The following LIMCH1 variants were observed in gnomAD, a reference collection of about 807,000 sequenced individuals.
LIMCH1 encodes LIM and calponin homology domains-containing protein 1.
A neutral mutation model predicts 176.5 loss-of-function variants in LIMCH1; 113 were observed. The ratio of observed to expected loss-of-function variants is 0.64; its 90% confidence interval spans 0.55 to 0.75. The LOEUF (loss-of-function observed/expected upper bound fraction) is 0.75, where lower values mean the gene tolerates loss of function less well. LIMCH1 is among the 30% of genes least tolerant of loss of function. The pLI, the probability that LIMCH1 is intolerant of heterozygous loss-of-function variation, is 0.00. For synonymous variants in LIMCH1, 619 were observed against 645.9 expected (o/e 0.96, Z 0.63); for missense variants, 1,674 against 1,814.9 (o/e 0.92, Z 1.41).
chr4:41,471,880 G>A (rs80266893), intron 1 of LIMCH1, among the ~76,000 whole-genome samples: 2,009 of 152,162 alleles, frequency 0.013, 41 homozygotes, highest in African/African-American at 0.045. Context: ...AGCTCAGCAC[G>A]CCTTTTTGGA....
chr4:41,484,884 A>G (rs2069241392), intron 1 of LIMCH1, among the ~76,000 whole-genome samples: 1 of 152,198 alleles, frequency 6.6e-6, no homozygotes, highest in African/African-American at 2.4e-5. Flanking sequence ...TTTGTCTACC[A>G]GATTGCTTTC....
intron 4 of LIMCH1, among the ~76,000 whole-genome samples, chr4:41,608,831 G>A (rs1166544702): frequency 1.3e-5 from 2 of 152,108 alleles, no homozygotes; most frequent in African/African-American, 2.4e-5. Context: ...GGGGACGAGG[G>A]TGGCCCTGGA....
intron 1 of LIMCH1, among the ~76,000 whole-genome samples, chr4:41,457,579 G>A (rs1213056332): frequency 1.3e-5 from 2 of 152,126 alleles, no homozygotes; most frequent in Non-Finnish European, 2.9e-5. Context: ...GTGGCCCAGG[G>A]AGGCTAAGTA....
chr4:41,609,625 G>T (rs551747828), intron 4 of LIMCH1: 1 of 455,850 alleles, frequency 2.2e-6, no homozygotes, highest in South Asian at 1.5e-5. Context: ...GCTGGTTCTT[G>T]TTATGTCTGA....
At chr4:41,635,238 T>TA (rs1278119466) in intron 13 of LIMCH1, among the ~76,000 whole-genome samples, 16 of 147,480 alleles carry the variant, frequency 1.1e-4, no homozygotes, top group Non-Finnish European at 2.1e-4. Flanking sequence ...CTCTGTCACT[T>TA]TTTTTTTTTT....
intron 1 of LIMCH1, among the ~76,000 whole-genome samples, chr4:41,581,461 C>T (rs1017129408): frequency 1.3e-5 from 2 of 152,106 alleles, no homozygotes; most frequent in African/African-American, 4.8e-5. Flanking sequence ...TCCCACAGCC[C>T]CTGGCAACCC....
intron 1 of LIMCH1, among the ~76,000 whole-genome samples, chr4:41,569,410 A>G (rs982199987): frequency 6.6e-6 from 1 of 152,174 alleles, no homozygotes. Context: ...AGTTGGAGGA[A>G]GAGGCTTGGC....
At chr4:41,614,558 G>A (rs2091851912) in intron 5 of LIMCH1, among the ~76,000 whole-genome samples, 1 of 152,074 alleles carries the variant, frequency 6.6e-6, no homozygotes, top group Admixed American at 6.6e-5. Flanking sequence ...TCTGAGATCC[G>A]AATTATCTTT....
At position 41,682,413 on chromosome 4, in the gene LIMCH1, C is replaced by T. The variant is rs375931059; in HGVS notation, c.3798C>T (p.Asp1266=). 6.2e-7 allele frequency: 1 copy of T among 1,613,114 alleles called. No homozygotes were observed. The highest frequency in any genetic ancestry group is 1.3e-5 in the African/African-American group (1 of 74,856). The part of the protein sequence containing the change: ...WKKSFQGDDS[D]LLLKTRESDR... ...AATCATTCCAGGGAGATGACAGTGA[C>T]TTATTGCTGAAGACTAGGGAAAGTG... The change falls in exon 26 of 32, where the codon GAC becomes GAT. Residue 1266 remains aspartate, a synonymous_variant. Transcript: ENST00000503057.
chr4:41,385,450 G>A (rs2056360907), intron 1 of LIMCH1, among the ~76,000 whole-genome samples: 1 of 152,098 alleles, frequency 6.6e-6, no homozygotes, highest in Non-Finnish European at 1.5e-5. Context: ...TTAAATTTCT[G>A]TGGCAATGGG....
intron 1 of LIMCH1, among the ~76,000 whole-genome samples, chr4:41,553,125 C>T (rs1261220555): frequency 1.3e-5 from 2 of 152,124 alleles, no homozygotes; most frequent in Admixed American, 6.6e-5. Context: ...TTGGTCTCTG[C>T]GAGATCTCTC....
chr4:41,443,048 T>G (rs1430401748), intron 1 of LIMCH1, among the ~76,000 whole-genome samples: 1 of 152,170 alleles, frequency 6.6e-6, no homozygotes, highest in Non-Finnish European at 1.5e-5. Context: ...ATTTTTCATG[T>G]GTGTTTAGTT....
chr4:41,379,680 A>C (rs898292370), intron 1 of LIMCH1, among the ~76,000 whole-genome samples: 1 of 152,264 alleles, frequency 6.6e-6, no homozygotes, highest in African/African-American at 2.4e-5. Flanking sequence ...ATTCAATATT[A>C]GATATTCTGA....
At chr4:41,398,187 T>TA (rs397993108) in intron 1 of LIMCH1, among the ~76,000 whole-genome samples, 1 of 150,164 alleles carries the variant, frequency 6.7e-6, no homozygotes, top group Non-Finnish European at 1.5e-5. Context: ...TTTTTTTTTT[T>TA]AGTTTCTATT....
At chr4:41,395,321 C>T (rs2057686280) in intron 1 of LIMCH1, among the ~76,000 whole-genome samples, 1 of 151,392 alleles carries the variant, frequency 6.6e-6, no homozygotes. Context: ...CAACCTCCAC[C>T]TCCCGGGTTC....
intron 4 of LIMCH1, among the ~76,000 whole-genome samples, chr4:41,606,297 C>T (rs1486178870): frequency 1.3e-5 from 2 of 152,092 alleles, no homozygotes; most frequent in Non-Finnish European, 2.9e-5. Context: ...CCAAGATGCT[C>T]AGTGCTTGTT....
At chr4:41,612,795 G>A in intron 4 of LIMCH1, 1 of 933,714 alleles carries the variant, frequency 1.1e-6, no homozygotes, top group Non-Finnish European at 1.6e-6. Flanking sequence ...GCGAGAGCAT[G>A]CCTGGATTCT....
chr4:41,455,634 A>G (rs1411631483), intron 1 of LIMCH1, among the ~76,000 whole-genome samples: 2 of 152,202 alleles, frequency 1.3e-5, no homozygotes, highest in Non-Finnish European at 2.9e-5. Flanking sequence ...AAACAAAAAA[A>G]CAAAAAACAA....
intron 2 of LIMCH1, among the ~76,000 whole-genome samples, chr4:41,603,541 A>G (rs1437401358): frequency 6.6e-6 from 1 of 152,196 alleles, no homozygotes; most frequent in Non-Finnish European, 1.5e-5. Flanking sequence ...GGTGGTCTAT[A>G]ATCAAGGCAG....
Sources: gnomAD v4.1 joint callset for allele counts (sites outside exome capture counted in the v4.1 genomes callset) on GRCh38, gnomAD v4.1.1 for gene constraint, MANE v1.5 for transcripts, NCBI Gene and HGNC (gene_info 2026-07-23, HGNC 2026-07-21) for gene names.